Variants in WDFY3 observed in about 807,000 individuals in gnomAD.
WDFY3 encodes WD repeat and FYVE domain containing 3.
A neutral mutation model predicts 409.6 loss-of-function variants in WDFY3; 66 were observed. The observed-to-expected ratio is 0.16, with a 90% CI of 0.13 to 0.20. The LOEUF (loss-of-function observed/expected upper bound fraction) is 0.20. Among genes scored for constraint, WDFY3 ranks in the 10% least tolerant of loss-of-function variants. The pLI, the probability that WDFY3 is intolerant of heterozygous loss-of-function variation, is 1.00. For missense variants in WDFY3, 3,031 were observed against 4,298.1 expected (o/e 0.71, Z 8.24); for synonymous variants, 1,521 against 1,537.1 (o/e 0.99, Z 0.25).
intron 12 of WDFY3, among the ~76,000 whole-genome samples, chr4:84,819,389 T>C (rs1406632567): frequency 6.6e-6 from 1 of 152,038 alleles, no homozygotes; most frequent in African/African-American, 2.4e-5. Context: ...AAAATATATT[T>C]CAAGCTCCTT....
At chr4:84,918,150 T>A (rs1470555850) in intron 2 of WDFY3, among the ~76,000 whole-genome samples, 3 of 152,152 alleles carry the variant, frequency 2.0e-5, no homozygotes, top group South Asian at 4.1e-4. Flanking sequence ...TTTGGTAACA[T>A]CTAGCAAAAC....
intron 2 of WDFY3, among the ~76,000 whole-genome samples, chr4:84,917,707 A>C (rs1450937646): frequency 6.6e-6 from 1 of 152,090 alleles, no homozygotes; most frequent in East Asian, 1.9e-4. Flanking sequence ...AAAAATCATT[A>C]GCAAATTTGA....
At chr4:84,698,319 C>G (rs1560550091) in intron 56 of WDFY3, among the ~76,000 whole-genome samples, 1 of 150,126 alleles carries the variant, frequency 6.7e-6, no homozygotes, top group Admixed American at 6.6e-5. Context: ...GGGTCTTGCT[C>G]TGCTGTCCAG....
intron 28 of WDFY3, 36 bp from the exon 29 acceptor site, chr4:84,775,017 C>T: frequency 1.2e-6 from 2 of 1,613,574 alleles, no homozygotes; most frequent in Non-Finnish European, 1.7e-6. Flanking sequence ...ACTGTACTAT[C>T]ACCTTTTCTA....
rs954941426 is a variant in WDFY3, at chr4:84,752,807, A to G, written c.5739+890T>C. 7.9e-5 allele frequency among the ~76,000 whole-genome samples: 12 copies of G among 152,322 alleles called. No individual in the cohort carries two copies. In the South Asian group the frequency reaches 1.9e-3, roughly 24 times the overall value. On this transcript the variant is annotated intron_variant, in intron 35 of 67. Transcript: ENST00000295888. Reference sequence around the variant, plus strand: ...AAACATCATGAAATTTTGAAGTACTATGGAGGAATAACTATCTTTTGGGTG... The same window carrying G: ...AAACATCATGAAATTTTGAAGTACTGTGGAGGAATAACTATCTTTTGGGTG...
At chr4:84,962,725 G>A (rs900572443) in intron 1 of WDFY3, among the ~76,000 whole-genome samples, 1 of 149,390 alleles carries the variant, frequency 6.7e-6, no homozygotes, top group Non-Finnish European at 1.5e-5. Context: ...CCAGGTTGGA[G>A]TGCGGTGGCG....
intron 2 of WDFY3, among the ~76,000 whole-genome samples, chr4:84,920,952 A>G (rs1377740143): frequency 6.6e-6 from 1 of 152,140 alleles, no homozygotes; most frequent in Non-Finnish European, 1.5e-5. Context: ...TTGGCCCTAA[A>G]TCATTCTACA....
intron 2 of WDFY3, among the ~76,000 whole-genome samples, chr4:84,913,762 A>C (rs1187220345): frequency 1.3e-5 from 2 of 151,928 alleles, no homozygotes; most frequent in African/African-American, 4.8e-5. Flanking sequence ...AGCAAAAAAA[A>C]AAAAGGAAGA....
At chr4:84,735,151 T>G in intron 42 of WDFY3, 31 bp from the exon 43 acceptor site, 1 of 1,575,172 alleles carries the variant, frequency 6.3e-7, no homozygotes, top group Non-Finnish European at 8.6e-7. Flanking sequence ...AGTCTTAATA[T>G]TTCATGGATT....
chr4:84,689,732 A>C (rs1197736110), intron 61 of WDFY3, among the ~76,000 whole-genome samples: 1 of 152,116 alleles, frequency 6.6e-6, no homozygotes, highest in Non-Finnish European at 1.5e-5. Flanking sequence ...TGTCTTTTTC[A>C]GGGGTAAAAT....
chr4:84,864,821 T>C (rs1382951595), intron 3 of WDFY3, among the ~76,000 whole-genome samples: 1 of 152,260 alleles, frequency 6.6e-6, no homozygotes, highest in Non-Finnish European at 1.5e-5. Flanking sequence ...AGCACGTTTA[T>C]TTATTTGGCA....
At chr4:84,850,450 G>A (rs139827364) in intron 4 of WDFY3, among the ~76,000 whole-genome samples, 1 of 152,152 alleles carries the variant, frequency 6.6e-6, no homozygotes, top group Non-Finnish European at 1.5e-5. Flanking sequence ...CCAAGTAGCT[G>A]GGACTACAGG....
intron 32 of WDFY3, among the ~76,000 whole-genome samples, chr4:84,760,694 CT>C (rs1473766599): frequency 6.6e-6 from 1 of 150,464 alleles, no homozygotes; most frequent in East Asian, 1.9e-4. Context: ...ATTCTTCTCT[CT>C]TTTTTTCTTT....
intron 25 of WDFY3, among the ~76,000 whole-genome samples, chr4:84,780,927 A>G (rs1746400253): frequency 6.6e-6 from 1 of 152,128 alleles, no homozygotes; most frequent in Admixed American, 6.6e-5. Context: ...TCTGGGCTGT[A>G]CTCAAAAGTA....
At chr4:84,861,639 G>T (rs536286466) in intron 3 of WDFY3, among the ~76,000 whole-genome samples, 14 of 152,204 alleles carry the variant, frequency 9.2e-5, no homozygotes, top group Non-Finnish European at 1.3e-4. Flanking sequence ...GAAAAAAATA[G>T]AAGATAAGAA....
At chr4:84,803,696 T>C (rs757139662) in intron 15 of WDFY3, among the ~76,000 whole-genome samples, 4 of 152,158 alleles carry the variant, frequency 2.6e-5, no homozygotes, top group Admixed American at 1.3e-4. Context: ...AGCCTTTATA[T>C]GATTTTTACT....
intron 6 of WDFY3, among the ~76,000 whole-genome samples, chr4:84,838,316 T>C (rs1436828303): frequency 6.6e-6 from 1 of 152,240 alleles, no homozygotes; most frequent in African/African-American, 2.4e-5. Flanking sequence ...ATGAAGCAAC[T>C]GAGGTTCATC....
intron 19 of WDFY3, among the ~76,000 whole-genome samples, chr4:84,795,880 C>A (rs1205657405): frequency 6.6e-6 from 1 of 151,752 alleles, no homozygotes; most frequent in Admixed American, 6.6e-5. Flanking sequence ...TTTTTAGATT[C>A]ATTATTGCCA....
chr4:84,732,419 T>C (rs1736749694), intron 44 of WDFY3, among the ~76,000 whole-genome samples: 1 of 152,146 alleles, frequency 6.6e-6, no homozygotes, highest in Non-Finnish European at 1.5e-5. Flanking sequence ...CTTAGCAATT[T>C]TGAAATGTAC....
Sources: allele counts gnomAD v4.1 joint callset (sites outside exome capture counted in the v4.1 genomes callset), GRCh38; gene constraint gnomAD v4.1.1; transcripts MANE v1.5; gene names NCBI Gene and HGNC (gene_info 2026-07-23, HGNC 2026-07-21).